The following SNX6 variants were observed in gnomAD, a reference collection of about 807,000 sequenced individuals.
SNX6 encodes sorting nexin-6.
A neutral mutation model predicts 63.0 loss-of-function variants in SNX6; 34 were observed. The ratio of observed to expected loss-of-function variants is 0.54; its 90% CI spans 0.41 to 0.72. The LOEUF (loss-of-function observed/expected upper bound fraction) is 0.72, where lower values mean the gene tolerates loss of function less well. SNX6 is among the 30% of genes least tolerant of loss of function. SNX6 has a pLI of 0.00. For synonymous variants in SNX6, 170 were observed against 164.2 expected, an observed-to-expected ratio of 1.04 and a Z score of -0.27; for missense variants, 398 against 471.4, an observed-to-expected ratio of 0.84 and a Z score of 1.44.
intron 9 of SNX6, among the ~76,000 whole-genome samples, chr14:34,583,434 T>G (rs28729554): frequency 0.038 from 4,584 of 119,402 alleles, 203 homozygotes; most frequent in African/African-American, 0.13. Flanking sequence ...TATTCATTTT[T>G]TTCTTTTTTT....
intron 2 of SNX6, chr14:34,629,685 G>C: frequency 1.3e-6 from 1 of 762,774 alleles, no homozygotes; most frequent in East Asian, 2.7e-5. Flanking sequence ...ACAGCGGCGG[G>C]GGACAAGAAA....
In SNX6 at chr14:34,613,070, A is replaced by C. The variant is rs146422521; in HGVS notation, c.55-3328T>G. On this transcript the variant is annotated intron_variant, in intron 2 of 13. Transcript: ENST00000362031. ...AAAAAAAAAAAAAAACTGACACAGGAAAAAAACACTCCAATAACTAATGAG... is the reference window on the plus strand; with the variant it reads ...AAAAAAAAAAAAAAACTGACACAGGCAAAAAACACTCCAATAACTAATGAG... 3.0e-3 allele frequency among the ~76,000 whole-genome samples: 456 copies of C among 150,160 alleles called. 5 individuals are homozygous for C. Among genetic ancestry groups the C allele is most frequent in the African/African-American group, 0.01 (431 of 41,260 alleles).
intron 13 of SNX6, among the ~76,000 whole-genome samples, chr14:34,566,196 A>C (rs1243390782): frequency 6.6e-6 from 1 of 152,246 alleles, no homozygotes; most frequent in African/African-American, 2.4e-5. Flanking sequence ...CAGGGTTATT[A>C]GACCAAGAAA....
chr14:34,562,974 C>G lies in SNX6; in HGVS notation c.*148G>C. On this transcript the variant is annotated 3_prime_UTR_variant, in exon 14 of 14. Transcript: ENST00000362031. Reference sequence around the variant, plus strand: ...TGGCATCGCCTGGGCGTGCGCTGCTCCATGTTTCTCAGAAAAAGAGGAGTT... The same window carrying G: ...TGGCATCGCCTGGGCGTGCGCTGCTGCATGTTTCTCAGAAAAAGAGGAGTT... The G allele has an allele frequency of 2.7e-6, 2 of 752,028 alleles. No homozygotes were observed. The highest frequency in any genetic ancestry group is 4.5e-6 in the Non-Finnish European group (2 of 447,754). 46.6% of individuals were successfully genotyped at this position (752,028 alleles called of 1,614,324 possible).
rs750034894 is a variant in SNX6 at position 34,581,571 on chromosome 14, T to C, written c.824A>G (p.Asp275Gly). 2.0e-6 allele frequency: 3 copies of C among 1,465,746 alleles called. No individual in the cohort carries two copies. In the South Asian group the frequency reaches 3.5e-5, roughly 17 times the overall value. The allele number at this position is 1,465,746 out of a possible 1,614,324, so 90.8% of individuals were successfully genotyped here. The stretch of plus-strand genomic sequence containing the variant: ...TAATTTAGTACTTACTCTTGTTTTA[T>C]CGAACAGTTCTGAAACTTTGAGAAA... ...KFFLKVSELF[D>G]KTRKIEARVS... is the part of the protein sequence containing the mutation. Residue 275 changes from aspartate (D) to glycine (G), a missense_variant, in exon 10 of 14, where the codon GAT becomes GGT. Transcript: ENST00000362031.
intron 11 of SNX6, among the ~76,000 whole-genome samples, chr14:34,574,357 A>G (rs573397668): frequency 6.6e-6 from 1 of 151,030 alleles, no homozygotes; most frequent in Non-Finnish European, 1.5e-5. Context: ...AAAGAGAAAA[A>G]AAGAAATCCT....
At chr14:34,621,286 C>T (rs1370441559) in intron 2 of SNX6, among the ~76,000 whole-genome samples, 2 of 152,096 alleles carry the variant, frequency 1.3e-5, no homozygotes, top group Non-Finnish European at 2.9e-5. Context: ...GCCTCCTACC[C>T]CTCTCAGCCC....
intron 13 of SNX6, among the ~76,000 whole-genome samples, chr14:34,564,687 G>A (rs1881089788): frequency 6.6e-6 from 1 of 151,908 alleles, no homozygotes; most frequent in Admixed American, 6.6e-5. Flanking sequence ...AATTAGCTGG[G>A]CGTGGTGGTG....
intron 11 of SNX6, among the ~76,000 whole-genome samples, chr14:34,574,324 A>G (rs1337904963): frequency 7.4e-5 from 11 of 148,934 alleles, no homozygotes; most frequent in Non-Finnish European, 1.6e-4. Context: ...TAACAGAGCT[A>G]GAGTCCACCT....
intron 8 of SNX6, among the ~76,000 whole-genome samples, chr14:34,592,322 G>A (rs2138319228): frequency 6.6e-6 from 1 of 152,164 alleles, no homozygotes; most frequent in Non-Finnish European, 1.5e-5. Flanking sequence ...GGCGGCTGAG[G>A]TTGTTGCAGT....
intron 11 of SNX6, among the ~76,000 whole-genome samples, chr14:34,572,675 T>C (rs1215689808): frequency 6.6e-6 from 1 of 151,548 alleles, no homozygotes; most frequent in South Asian, 2.1e-4. Context: ...ATTTGTGTTT[T>C]TTTTGTTTTT....
intron 10 of SNX6, 71 bp downstream of exon 10, chr14:34,581,490 G>T: frequency 1.1e-6 from 1 of 929,678 alleles, no homozygotes; most frequent in Non-Finnish European, 1.6e-6. Flanking sequence ...CTGAATTGTG[G>T]TAAAAACCTT....
At chr14:34,570,032 C>A (rs535607270) in intron 11 of SNX6, among the ~76,000 whole-genome samples, 1 of 151,962 alleles carries the variant, frequency 6.6e-6, no homozygotes, top group African/African-American at 2.4e-5. Flanking sequence ...TCACTCACAT[C>A]CTTGCCAACA....
chr14:34,628,282 ACC>A (rs1408578973), intron 2 of SNX6, among the ~76,000 whole-genome samples: 1 of 151,714 alleles, frequency 6.6e-6, no homozygotes, highest in African/African-American at 2.4e-5. Flanking sequence ...ACATGATGAA[ACC>A]CCGTCTCTAC....
chr14:34,589,028 G>A (rs1882286933), intron 8 of SNX6, among the ~76,000 whole-genome samples: 1 of 151,952 alleles, frequency 6.6e-6, no homozygotes, highest in Non-Finnish European at 1.5e-5. Flanking sequence ...CAGCTGCTCG[G>A]GAGGCTGAGG....
chr14:34,570,469 T>A (rs1319489853), intron 11 of SNX6, among the ~76,000 whole-genome samples: 5 of 151,910 alleles, frequency 3.3e-5, no homozygotes, highest in Admixed American at 6.6e-5. Context: ...TCATCCAGGC[T>A]GGAGTGCAGT....
chr14:34,608,252 A>T, intron 3 of SNX6, 112 bp from the exon 4 acceptor site: 2 of 548,624 alleles, frequency 3.6e-6, no homozygotes. Flanking sequence ...ATCTCGGCTC[A>T]CTGCAGCCTC....
intron 6 of SNX6, among the ~76,000 whole-genome samples, chr14:34,600,173 C>T (rs956264177): frequency 6.6e-6 from 1 of 152,134 alleles, no homozygotes; most frequent in Non-Finnish European, 1.5e-5. Context: ...CACTCTGTCA[C>T]CCATGCTGTG....
In SNX6 at chr14:34,605,655, AC is replaced by A; in HGVS notation, c.332del (p.Gly111ValfsTer7). On this transcript the variant is annotated frameshift_variant, in exon 5 of 14. Coordinates refer to ENST00000362031, the MANE Select transcript of SNX6 (RefSeq NM_152233.4). LOFTEE classifies it high-confidence loss of function. ...CCTTCGTCATTGACCCTTCTCCTTC[AC>A]CAAGCTTCTGTAGTTTTTCCCTTGA... ...DASREKLQKLGEGEGSMTKEE... is the reference protein window; with the variant it reads ...DASREKLQKLXEGEGSMTKEE... The A allele has an allele frequency of 6.2e-7, 1 of 1,609,652 alleles. No homozygotes were observed. Among genetic ancestry groups the A allele is most frequent in the Non-Finnish European group, 8.5e-7 (1 of 1,178,298 alleles).
Sources: allele counts gnomAD v4.1 joint callset (sites outside exome capture counted in the v4.1 genomes callset), GRCh38; gene constraint gnomAD v4.1.1; transcripts MANE v1.5; gene names NCBI Gene and HGNC (gene_info 2026-07-23, HGNC 2026-07-21).